PCDHA6: variants seen among roughly 807,000 people sequenced by gnomAD.
The protein encoded by PCDHA6 is protocadherin alpha 6.
A neutral mutation model predicts 60.3 loss-of-function variants in PCDHA6; 55 were observed. The observed-to-expected ratio is 0.91, with a 90% CI of 0.73 to 1.14. PCDHA6 has a LOEUF of 1.14. PCDHA6 is among the 50% of genes most tolerant of loss of function. PCDHA6 has a pLI of 0.00. For missense variants in PCDHA6, 1,327 were observed against 1,256.5 expected (o/e 1.06, Z -0.85); for synonymous variants, 652 against 557.9 (o/e 1.17, Z -2.38).
intron 1 of PCDHA6, among the ~76,000 whole-genome samples, chr5:140,941,773 T>G (rs2093165270): frequency 6.6e-6 from 1 of 152,262 alleles, no homozygotes; most frequent in South Asian, 2.1e-4. Context: ...GATAATTGTT[T>G]TAATGTTTTA....
chr5:141,001,278 C>T (rs182360019), intron 3 of PCDHA6, among the ~76,000 whole-genome samples: 500 of 152,168 alleles, frequency 3.3e-3, no homozygotes, highest in Admixed American at 5.6e-3. Context: ...ACTTTTTTTA[C>T]GGATGAAAAC....
intron 1 of PCDHA6, chr5:140,842,567 G>A: frequency 1.3e-6 from 2 of 1,504,984 alleles, no homozygotes; most frequent in Non-Finnish European, 1.8e-6. Context: ...CCTGGACCGC[G>A]AGAGAGTGTC....
At chr5:140,946,903 T>A (rs2094054259) in intron 1 of PCDHA6, among the ~76,000 whole-genome samples, 1 of 151,408 alleles carries the variant, frequency 6.6e-6, no homozygotes, top group African/African-American at 2.4e-5. Flanking sequence ...ATAGGAAGAA[T>A]AAGTTCTGGT....
At position 140,883,249 on chromosome 5, in the gene PCDHA6, T is replaced by A. The variant is rs145815075; in HGVS notation, c.2394+52764T>A. On this transcript the variant is annotated intron_variant, in intron 1 of 3. Transcript: ENST00000529310. ...CCGTGGAGGCAGTTGACAAAGGAAA[T>A]ATTCCAATGGCGGGTCATTGTACCC... The A allele has an allele frequency of 5.1e-4, 830 of 1,613,870 alleles. 7 individuals carry two copies. In the African/African-American group the frequency reaches 9.0e-3, roughly 18 times the overall value.
intron 1 of PCDHA6, chr5:140,875,216 A>G: frequency 1.4e-6 from 1 of 717,612 alleles, no homozygotes. Flanking sequence ...ACCGAAAAGA[A>G]CCTCAGGATC....
chr5:140,990,834 A>G (rs1554251782), intron 3 of PCDHA6, among the ~76,000 whole-genome samples: 1 of 152,234 alleles, frequency 6.6e-6, no homozygotes, highest in East Asian at 1.9e-4. Flanking sequence ...AAAGCCTATT[A>G]GCAAAAATAG....
rs797023184 is a variant in PCDHA6 at position 140,941,202 on chromosome 5, CCTTT to C, written c.2395-37739_2395-37736del. The stretch of plus-strand genomic sequence containing the variant: ...TCCTGCTTCTTTTTTTTTCTTTCTT[CCTTT>C]CTTTCTTCCTTTCTTTCTTTCTTTC... On this transcript the variant is annotated intron_variant, in intron 1 of 3. Transcript: ENST00000529310. Among the ~76,000 whole-genome samples, 914 of 122,710 alleles carry C rather than the reference CCTTT, an allele frequency of 7.4e-3. 14 individuals are homozygous for C. The highest frequency in any genetic ancestry group is 0.013 in the African/African-American group (444 of 33,832). The allele number at this position is 122,710 out of a possible 152,430, so 80.5% of individuals were successfully genotyped here. A position where few individuals can be genotyped will look rare whatever the true frequency, so the allele number is the denominator to read the frequency against.
At chr5:140,980,440 G>A (rs1317929590) in intron 2 of PCDHA6, among the ~76,000 whole-genome samples, 1 of 152,144 alleles carries the variant, frequency 6.6e-6, no homozygotes, top group African/African-American at 2.4e-5. Flanking sequence ...GACCATCCTG[G>A]ACAACACGGT....
At chr5:140,969,468 AT>A (rs1264391543) in intron 1 of PCDHA6, 1 of 1,486,422 alleles carries the variant, frequency 6.7e-7, no homozygotes, top group Non-Finnish European at 9.0e-7. Context: ...AGTATCCACA[AT>A]TTGATCATAA....
At chr5:140,919,510 T>G (rs750733245) in intron 1 of PCDHA6, among the ~76,000 whole-genome samples, 2 of 152,208 alleles carry the variant, frequency 1.3e-5, no homozygotes, top group Non-Finnish European at 2.9e-5. Context: ...TTTTTCTATA[T>G]GTTTTAATTC....
chr5:141,000,421 A>AT lies in PCDHA6; in HGVS notation c.2543-9183dup, dbSNP rs34755515. Reference sequence around the variant, plus strand: ...TATATATATATATATATATATATATATTTTTTTTTTTTTTTTTTTTTTTGA... The same window carrying AT: ...TATATATATATATATATATATATATATTTTTTTTTTTTTTTTTTTTTTTTGA... On this transcript the variant is annotated intron_variant, in intron 3 of 3. Transcript: ENST00000529310. 8.6e-3 allele frequency among the ~76,000 whole-genome samples: 241 copies of AT among 27,996 alleles called. 11 individuals carry two copies. The highest frequency in any genetic ancestry group is 9.4e-3 in the African/African-American group (53 of 5,644). The allele number at this position is 27,996 out of a possible 152,430, so 18.4% of individuals were successfully genotyped here.
intron 1 of PCDHA6, chr5:140,870,635 C>T (rs1365729454): frequency 1.9e-6 from 3 of 1,612,850 alleles, no homozygotes; most frequent in Non-Finnish European, 2.5e-6. Flanking sequence ...TCGGTGCACG[C>T]GGAGAGCGGC....
Position 140,978,838 on chromosome 5 carries a change from A to G in PCDHA6, c.2395-111A>G, listed in dbSNP as rs571929271. 3.9e-6 allele frequency: 6 copies of G among 1,554,610 alleles called. No homozygotes were observed. In the African/African-American group the frequency reaches 5.5e-5, roughly 14 times the overall value. On this transcript the variant is annotated intron_variant, in intron 1 of 3. Transcript: ENST00000529310. ...TTACACATGAAATGGCTCATTCAAT[A>G]CTTTTTTAGATGCCTGGAAATATTT... is the stretch of plus-strand genomic sequence containing the variant.
At chr5:140,862,765 T>A in intron 1 of PCDHA6, 1 of 576,704 alleles carries the variant, frequency 1.7e-6, no homozygotes. Context: ...CGGCAAGAGG[T>A]ACGCGTTGCA....
rs1554149409 is a variant in PCDHA6 at position 140,857,004 on chromosome 5, T to G, written c.2394+26519T>G. 3 of 1,595,634 alleles carry G rather than the reference T, an allele frequency of 1.9e-6. No individual in the cohort carries two copies. The South Asian group carries it at 3.3e-5, about 18-fold the overall frequency. ...GACAGTAACACTTATGAAATTCATG[T>G]AGATGTTACAGATAAGGGAAACCCA... On this transcript the variant is annotated intron_variant, in intron 1 of 3. Coordinates refer to ENST00000529310, the MANE Select transcript of PCDHA6 (RefSeq NM_018909.4).
At chr5:140,951,487 G>A (rs1563250651) in intron 1 of PCDHA6, among the ~76,000 whole-genome samples, 1 of 151,938 alleles carries the variant, frequency 6.6e-6, no homozygotes, top group Non-Finnish European at 1.5e-5. Flanking sequence ...CAAGAATCAT[G>A]GTGGAAGGCA....
chr5:140,974,221 T>A (rs75147433), intron 1 of PCDHA6, among the ~76,000 whole-genome samples: 1,739 of 152,246 alleles, frequency 0.011, 25 homozygotes, highest in Non-Finnish European at 0.017. Context: ...TAAAGAGAAA[T>A]CTTAGTTCCT....
rs781787163 is a variant in PCDHA6, at chr5:140,869,186, G to A, written c.2394+38701G>A. 7 of 1,614,006 alleles carry A rather than the reference G, an allele frequency of 4.3e-6. No individual in the cohort carries two copies. The South Asian group carries it at 4.4e-5, about 10-fold the overall frequency. ...CTCCTCGAATTCTGGGAGGTGGGGA[G>A]CGGCCAGCTCCACTACTCCGTCTCG... On this transcript the variant is annotated intron_variant, in intron 1 of 3. Transcript: ENST00000529310.
At chr5:140,870,543 C>T (rs1554164396) in intron 1 of PCDHA6, 6 of 1,614,114 alleles carry the variant, frequency 3.7e-6, no homozygotes, top group South Asian at 1.1e-5. Context: ...CGGCGCGGGA[C>T]GCGGACGCGC....
Sources: allele counts gnomAD v4.1 joint callset (sites outside exome capture counted in the v4.1 genomes callset), GRCh38; gene constraint gnomAD v4.1.1; transcripts MANE v1.5; gene names NCBI Gene and HGNC (gene_info 2026-07-23, HGNC 2026-07-21).